Variants in SRFBP1 observed in about 807,000 individuals in gnomAD.
SRFBP1 encodes serum response factor binding protein 1.
In SRFBP1, 47 loss-of-function variants were observed where a neutral mutation model predicts 45.5. The ratio of observed to expected loss-of-function variants is 1.03; its 90% CI spans 0.82 to 1.32. SRFBP1 has a LOEUF of 1.32. Ranked by LOEUF, SRFBP1 falls within the 40% of genes most tolerant of loss-of-function variation. The pLI, the probability that SRFBP1 is intolerant of heterozygous loss-of-function variation, is 0.00. For missense variants in SRFBP1, 621 were observed against 484.6 expected (o/e 1.28, Z -2.64); for synonymous variants, 203 against 166.3 (o/e 1.22, Z -1.70).
intron 2 of SRFBP1, among the ~76,000 whole-genome samples, chr5:122,050,996 A>G (rs1753963811): frequency 6.6e-6 from 1 of 152,112 alleles, no homozygotes; most frequent in Non-Finnish European, 1.5e-5. Context: ...TGCTGCCTTA[A>G]TTTCATTGTT....
chr5:121,989,207 G>A (rs1441163473), intron 3 of SRFBP1, among the ~76,000 whole-genome samples: 1 of 152,012 alleles, frequency 6.6e-6, no homozygotes, highest in Non-Finnish European at 1.5e-5. Context: ...GGGATTACAG[G>A]CACGTGCCAC....
chr5:122,039,963 T>A (rs1393741686), intron 2 of SRFBP1, among the ~76,000 whole-genome samples: 1 of 152,178 alleles, frequency 6.6e-6, no homozygotes, highest in Non-Finnish European at 1.5e-5. Context: ...CTTATCTCTT[T>A]ATCTGATCCA....
At position 121,979,770 on chromosome 5, in the gene SRFBP1, A is replaced by C. The variant is rs563252651; in HGVS notation, c.198+4383A>C. Among the ~76,000 whole-genome samples, 33 of 152,266 alleles carry C rather than the reference A, an allele frequency of 2.2e-4. 1 individual carries two copies. In the South Asian group the frequency reaches 6.8e-3, roughly 32 times the overall value. Reference sequence around the variant, plus strand: ...ATCAGACGTGTACTTTCCAGCCCAGAGTCTCCAAATGAGGAAGTCTGGTTA... The same window carrying C: ...ATCAGACGTGTACTTTCCAGCCCAGCGTCTCCAAATGAGGAAGTCTGGTTA... On this transcript the variant is annotated intron_variant, in intron 3 of 7. Coordinates refer to ENST00000339397, the MANE Select transcript of SRFBP1 (RefSeq NM_152546.3).
chr5:121,997,396 G>C (rs1247906108), intron 4 of SRFBP1, among the ~76,000 whole-genome samples: 3 of 151,424 alleles, frequency 2.0e-5, no homozygotes, highest in Non-Finnish European at 4.4e-5. Flanking sequence ...ACAAACCTGA[G>C]AAAAACAAGC....
intron 2 of SRFBP1, among the ~76,000 whole-genome samples, chr5:122,047,001 G>A (rs1420832423): frequency 1.3e-5 from 2 of 152,146 alleles, no homozygotes; most frequent in African/African-American, 2.4e-5. Flanking sequence ...TAGGTTGCCT[G>A]TTCACTCTGA....
chr5:122,052,065 G>T (rs151320939), intron 2 of SRFBP1, among the ~76,000 whole-genome samples: 1 of 152,092 alleles, frequency 6.6e-6, no homozygotes, highest in Non-Finnish European at 1.5e-5. Flanking sequence ...TAAGAATGCC[G>T]AATTAGACTA....
At chr5:122,036,044 C>G (rs1753688546) in intron 2 of SRFBP1, among the ~76,000 whole-genome samples, 1 of 152,168 alleles carries the variant, frequency 6.6e-6, no homozygotes, top group Non-Finnish European at 1.5e-5. Context: ...TACAAGTATA[C>G]AGGAAGGGGT....
chr5:121,979,726 C>T (rs1163312084), intron 3 of SRFBP1, among the ~76,000 whole-genome samples: 1 of 152,162 alleles, frequency 6.6e-6, no homozygotes, highest in African/African-American at 2.4e-5. Flanking sequence ...TGTAATTCCA[C>T]AGGGTCCTTC....
rs752159621 is a variant in SRFBP1 at position 122,022,430 on chromosome 5, C to G, written c.1105+23C>G. On this transcript the variant is annotated intron_variant, in intron 7 of 7. Transcript: ENST00000339397. ...TAGGTATGTATTCATAGTTGCCTGA[C>G]CTTCATATGCAATTAAGCTATGTTT... 22 of 1,597,056 alleles carry G rather than the reference C, an allele frequency of 1.4e-5. No homozygotes were observed. The South Asian group carries it at 2.4e-4, about 17-fold the overall frequency.
At chr5:122,078,567 TG>T (rs1754711255), downstream of SRFBP1, among the ~76,000 whole-genome samples, 1 of 151,472 alleles carries the variant, frequency 6.6e-6, no homozygotes, top group Non-Finnish European at 1.5e-5. Flanking sequence ...AGCCAGGCCA[TG>T]GGGCGACGCC....
intron 3 of SRFBP1, among the ~76,000 whole-genome samples, chr5:121,991,348 C>G (rs1179387691): frequency 6.6e-6 from 1 of 151,950 alleles, no homozygotes; most frequent in East Asian, 1.9e-4. Flanking sequence ...TAAAATTCTC[C>G]CTTAAAAAAT....
At chr5:122,075,632 C>T (rs1395696829), downstream of SRFBP1, 1 of 813,286 alleles carries the variant, frequency 1.2e-6, no homozygotes. Context: ...ATAGTAGTGA[C>T]AATCCTCCTT....
rs1353851542 is a variant in SRFBP1 at position 122,071,191 on chromosome 5, A to ATGTG, written n.312-4123_312-4122insGTGT. On this transcript the variant is annotated intron_variant and non_coding_transcript_variant, in intron 2 of 2. Transcript: ENST00000504881. ...GTGGCAGGAACAATCGTAAACATTT[A>ATGTG]TATGTGTGTGTGTGTGTGTGTGTGT... is the stretch of plus-strand genomic sequence containing the variant. Among the ~76,000 whole-genome samples the ATGTG allele has an allele frequency of 1.3e-3, 160 of 118,662 alleles. 1 individual carries two copies. The highest frequency in any genetic ancestry group is 6.1e-3 in the African/African-American group (158 of 25,764). The allele number at this position is 118,662 out of a possible 152,430, so 77.8% of individuals were successfully genotyped here. A position where few individuals can be genotyped will look rare whatever the true frequency, so the allele number is the denominator to read the frequency against.
Position 121,997,816 on chromosome 5 carries a change from C to T in SRFBP1, c.270+3146C>T, listed in dbSNP as rs1324576918. Among the ~76,000 whole-genome samples, 7 of 151,592 alleles carry T rather than the reference C, an allele frequency of 4.6e-5. 1 individual carries two copies. The East Asian group carries it at 1.4e-3, about 29-fold the overall frequency. On this transcript the variant is annotated intron_variant, in intron 4 of 7. Coordinates refer to ENST00000339397, the MANE Select transcript of SRFBP1 (RefSeq NM_152546.3). ...TCTACAATGAACTCAAACAAATTGACAAGAAAAAAACAAACAACCCCATCA... is the reference window on the plus strand; with the variant it reads ...TCTACAATGAACTCAAACAAATTGATAAGAAAAAAACAAACAACCCCATCA...
In SRFBP1 at chr5:122,062,158, ATACT is replaced by A. The variant is rs564615097; in HGVS notation, n.312-13150_312-13147del. 2.2e-4 allele frequency among the ~76,000 whole-genome samples: 33 copies of A among 152,072 alleles called. No individual in the cohort carries two copies. In the South Asian group the frequency reaches 6.6e-3, roughly 31 times the overall value. On this transcript the variant is annotated intron_variant and non_coding_transcript_variant, in intron 2 of 2. Transcript: ENST00000504881. ...CAAAGTATGGGAAAGAACATTTCCCATACTTACTTAATATTGGATTCTTTCTGAG... is the reference window on the plus strand; with the variant it reads ...CAAAGTATGGGAAAGAACATTTCCCATACTTAATATTGGATTCTTTCTGAG...
chr5:122,078,759 C>A (rs973889533), downstream of SRFBP1, among the ~76,000 whole-genome samples: 14 of 152,164 alleles, frequency 9.2e-5, no homozygotes, highest in African/African-American at 3.4e-4. Flanking sequence ...ATGGGAAGCG[C>A]CCTCAGCAAA....
chr5:121,993,046 T>C (rs560577538), intron 3 of SRFBP1, among the ~76,000 whole-genome samples: 1 of 152,270 alleles, frequency 6.6e-6, no homozygotes, highest in African/African-American at 2.4e-5. Context: ...CATTGGGTAT[T>C]GCTAATAATT....
At chr5:121,994,715 T>A (rs775084016) in intron 4 of SRFBP1, 45 bp downstream of exon 4, 4 of 1,263,378 alleles carry the variant, frequency 3.2e-6, no homozygotes, top group Non-Finnish European at 4.4e-6. Context: ...AAGTTTCTCA[T>A]CTATATTGCT....
At chr5:122,039,391 A>C (rs1350348054) in intron 2 of SRFBP1, among the ~76,000 whole-genome samples, 9 of 152,136 alleles carry the variant, frequency 5.9e-5, no homozygotes, top group African/African-American at 2.2e-4. Context: ...GTGTGGTAGG[A>C]TATTTGGTAA....
Sources: allele counts gnomAD v4.1 joint callset (sites outside exome capture counted in the v4.1 genomes callset), GRCh38; gene constraint gnomAD v4.1.1; transcripts MANE v1.5; gene names NCBI Gene and HGNC (gene_info 2026-07-23, HGNC 2026-07-21).